ZFYVE19: variants seen among roughly 807,000 people sequenced by gnomAD.
ZFYVE19 encodes the protein zinc finger FYVE-type containing 19, also known as abscission/NoCut checkpoint regulator.
ZFYVE19 carries 49 observed loss-of-function variants against 62.8 expected under a neutral mutation model. The ratio of observed to expected loss-of-function variants is 0.78; its 90% CI spans 0.62 to 0.99. The LOEUF (loss-of-function observed/expected upper bound fraction) is 0.99, where lower values mean the gene tolerates loss of function less well. ZFYVE19 is among the 50% of genes least tolerant of loss of function. The probability of loss-of-function intolerance (pLI) is 0.00; values close to 1 mark genes in which losing one functional copy is unlikely to be tolerated. For missense variants in ZFYVE19, 630 were observed against 601.9 expected (o/e 1.05, Z -0.49); for synonymous variants, 242 against 234.3 (o/e 1.03, Z -0.30).
In ZFYVE19 at chr15:40,807,317, A is replaced by C; in HGVS notation, c.-273A>C. On this transcript the variant is annotated 5_prime_UTR_variant, in exon 1 of 11. Transcript: ENST00000355341. ...CCAGCAGTGGCCGAGGCGCTAGGAC[A>C]GGAAGGACCGCCAGACCTCTCAAGA... 6.2e-7 allele frequency: 1 copy of C among 1,614,184 alleles called. No individual in the cohort carries two copies. Among genetic ancestry groups the C allele is most frequent in the Non-Finnish European group, 8.5e-7 (1 of 1,180,010 alleles).
At chr15:40,813,477 C>T in intron 8 of ZFYVE19, 60 bp downstream of exon 8, 1 of 1,487,266 alleles carries the variant, frequency 6.7e-7, no homozygotes, top group Non-Finnish European at 9.2e-7. Flanking sequence ...TGCCCCACCT[C>T]TACTCTGGGG....
In ZFYVE19 at chr15:40,814,807, T is replaced by C. The variant is rs775749345; in HGVS notation, c.*581T>C. ...CCCACTTAGCCACCAGTCCCCACCATCTTGGATTTCTCAGCCTCTCTACTA... is the reference window on the plus strand; with the variant it reads ...CCCACTTAGCCACCAGTCCCCACCACCTTGGATTTCTCAGCCTCTCTACTA... On this transcript the variant is annotated 3_prime_UTR_variant, in exon 11 of 11. Transcript: ENST00000355341. 2.2e-4 allele frequency: 35 copies of C among 159,430 alleles called. No homozygotes were observed. The highest frequency in any genetic ancestry group is 3.9e-4 in the Non-Finnish European group (28 of 72,144). 9.9% of individuals were successfully genotyped at this position (159,430 alleles called of 1,614,324 possible). A position where few individuals can be genotyped will look rare whatever the true frequency, so the allele number is the denominator to read the frequency against.
At position 40,807,483 on chromosome 15, in the gene ZFYVE19, G is replaced by C. The variant is rs1209783518; in HGVS notation, c.-107G>C. On this transcript the variant is annotated 5_prime_UTR_variant, in exon 1 of 11. Transcript: ENST00000355341. ...GACGGATTCGTACTACAACTCCCAA[G>C]AGTCTAAGCGCGCGTGAGGACTGCA... 2 of 1,612,930 alleles carry C rather than the reference G, an allele frequency of 1.2e-6. No individual in the cohort carries two copies. Among genetic ancestry groups the C allele is most frequent in the African/African-American group, 1.3e-5 (1 of 74,902 alleles).
chr15:40,807,124 C>A lies in ZFYVE19; in HGVS notation c.-466C>A. ...GCCTCGCCCCGCGGCCTCTAGGAGA[C>A]AGGGGCCACGGGGAGAGCACAGCCA... On this transcript the variant is annotated 5_prime_UTR_variant, in exon 1 of 11. Transcript: ENST00000355341. The A allele has an allele frequency of 1.1e-6, 1 of 952,114 alleles. No homozygotes were observed. Among genetic ancestry groups the A allele is most frequent in the Non-Finnish European group, 1.5e-6 (1 of 658,714 alleles). The allele number at this position is 952,114 out of a possible 1,614,324, so 59.0% of individuals were successfully genotyped here.
intron 1 of ZFYVE19, chr15:40,808,541 T>A: frequency 9.2e-7 from 1 of 1,086,994 alleles, no homozygotes; most frequent in Non-Finnish European, 1.3e-6. Context: ...ATTGAGGCGG[T>A]GACCTTGGTT....
rs868816958 is a variant in ZFYVE19 at position 40,810,209 on chromosome 15, C to T, written c.710C>T (p.Pro237Leu). 1 of 1,614,182 alleles carries T rather than the reference C, an allele frequency of 6.2e-7. No individual in the cohort carries two copies. The highest frequency in any genetic ancestry group is 1.7e-5 in the Admixed American group (1 of 60,016). Residue 237 changes from proline to leucine, a missense_variant, in exon 5 of 11, where the codon CCC becomes CTC. Pro to Leu is a moderately conservative substitution (Grantham distance 98). Transcript: ENST00000355341. ...GGCAGAGTTCTACCTTCTCAAACCC[C>T]CCAGCCGGTGAGTGTTATGGCTTAG... The part of the protein sequence containing the change: ...LQGRVLPSQT[P>L]QPAHHTPDTR...
At chr15:40,810,972 A>G in intron 6 of ZFYVE19, 1 of 537,140 alleles carries the variant, frequency 1.9e-6, no homozygotes, top group Non-Finnish European at 3.2e-6. Flanking sequence ...TCCCATTTCT[A>G]CCACGTATTA....
In ZFYVE19 at chr15:40,807,202, TCCAGGAAATGTCTGGGAGC is replaced by T; in HGVS notation, c.-385_-367del. ...GCTTCCTCTTGAGGCCCTCGGACCG[TCCAGGAAATGTCTGGGAGC>T]CCGCCTGCGGAGGGCATAGCGCCGA... On this transcript the variant is annotated 5_prime_UTR_variant, in exon 1 of 11. An upstream start codon of the reference 5' UTR is lost. Coordinates refer to ENST00000355341, the MANE Select transcript of ZFYVE19 (RefSeq NM_001077268.2). 1 of 1,502,266 alleles carries T rather than the reference TCCAGGAAATGTCTGGGAGC, an allele frequency of 6.7e-7. No individual in the cohort carries two copies. The highest frequency in any genetic ancestry group is 8.9e-7 in the Non-Finnish European group (1 of 1,123,260). The allele number at this position is 1,502,266 out of a possible 1,614,324, so 93.1% of individuals were successfully genotyped here. A position where few individuals can be genotyped will look rare whatever the true frequency, so the allele number is the denominator to read the frequency against.
chr15:40,809,946 C>A lies in ZFYVE19; in HGVS notation c.547C>A (p.Arg183=). The part of the protein sequence containing the change: ...QDQMIAERLA[R]LRQENKPKLV... ...CCAGATGATTGCTGAGCGCCTAGCA[C>A]GACTCCGCCAGGAGAACAAGCCCAG... is the stretch of plus-strand genomic sequence containing the variant. The change falls in exon 4 of 11, where the codon CGA becomes AGA. Residue 183 remains arginine (R), a synonymous_variant. Coordinates refer to ENST00000355341, the MANE Select transcript of ZFYVE19 (RefSeq NM_001077268.2). 3 of 1,614,220 alleles carry A rather than the reference C, an allele frequency of 1.9e-6. No individual in the cohort carries two copies. Among genetic ancestry groups the A allele is most frequent in the Non-Finnish European group, 2.5e-6 (3 of 1,180,038 alleles).
rs1489723826 is a variant in ZFYVE19 at position 40,807,228 on chromosome 15, G to A, written c.-362G>A. The A allele has an allele frequency of 6.5e-7, 1 of 1,546,096 alleles. No individual in the cohort carries two copies. The highest frequency in any genetic ancestry group is 8.7e-7 in the Non-Finnish European group (1 of 1,145,708). On this transcript the variant is annotated 5_prime_UTR_variant, in exon 1 of 11. Transcript: ENST00000355341. ...CCAGGAAATGTCTGGGAGCCCGCCT[G>A]CGGAGGGCATAGCGCCGACCCTCGC...
At chr15:40,809,711 G>C (rs1449060499) in intron 3 of ZFYVE19, 141 bp from the exon 4 acceptor site, 2 of 995,582 alleles carry the variant, frequency 2.0e-6, no homozygotes, top group Non-Finnish European at 3.1e-6. Context: ...AGGGTGACAT[G>C]AGTGAGGGGC....
At chr15:40,808,054 A>T in intron 1 of ZFYVE19, 186 bp downstream of exon 1, 1 of 1,033,310 alleles carries the variant, frequency 9.7e-7, no homozygotes, top group Non-Finnish European at 1.4e-6. Context: ...GGTTTATGTG[A>T]GGGTCCACTG....
In ZFYVE19 at chr15:40,809,520, A is replaced by C. The variant is rs1050487149; in HGVS notation, c.452+62A>C. The C allele has an allele frequency of 5.7e-6, 9 of 1,577,682 alleles. No homozygotes were observed. In the Admixed American group the frequency reaches 1.2e-4, roughly 21 times the overall value. On this transcript the variant is annotated intron_variant, in intron 3 of 10. Transcript: ENST00000355341. The stretch of plus-strand genomic sequence containing the variant: ...GAAAGGATAAGGGAGCCATAGGGAA[A>C]GACCCTGCCCCCATCTTCTAGATAA...
intron 5 of ZFYVE19, 55 bp downstream of exon 5, chr15:40,810,271 A>G (rs1369956790): frequency 6.2e-7 from 1 of 1,601,948 alleles, no homozygotes; most frequent in Non-Finnish European, 8.5e-7. Flanking sequence ...GACCCAGCAG[A>G]AGCCCAGATA....
rs1890626718 is a variant in ZFYVE19, at chr15:40,815,054, C to G, written c.*828C>G. 1 of 152,386 alleles carries G rather than the reference C, an allele frequency of 6.6e-6. No homozygotes were observed. Among genetic ancestry groups the G allele is most frequent in the Non-Finnish European group, 1.5e-5 (1 of 68,208 alleles). 9.4% of individuals were successfully genotyped at this position (152,386 alleles called of 1,614,324 possible). On this transcript the variant is annotated 3_prime_UTR_variant, in exon 11 of 11. Coordinates refer to ENST00000355341, the MANE Select transcript of ZFYVE19 (RefSeq NM_001077268.2). ...TTCTCTTCCTGCCCCTGGCTGGAAC[C>G]AACTATAAAGAGCCCTCGGGCTGAG...
rs1434449530 is a variant in ZFYVE19, at chr15:40,810,342, C to A, written c.717+126C>A. 2.1e-6 allele frequency: 3 copies of A among 1,439,132 alleles called. No homozygotes were observed. The East Asian group carries it at 7.2e-5, about 35-fold the overall frequency. 89.1% of individuals were successfully genotyped at this position (1,439,132 alleles called of 1,614,324 possible). ...TTGTCATTACTTTTAATTGCAAAAA[C>A]CTCAGTTACTTTTGCACCAACCTTT... On this transcript the variant is annotated intron_variant, in intron 5 of 10. Coordinates refer to ENST00000355341, the MANE Select transcript of ZFYVE19 (RefSeq NM_001077268.2).
chr15:40,814,003 T>C lies in ZFYVE19; in HGVS notation c.1270T>C (p.Cys424Arg), dbSNP rs1376342462. Residue 424 changes from cysteine to arginine, a missense_variant, in exon 10 of 11, where the codon TGC (cysteine) becomes CGC (arginine). Coordinates refer to ENST00000355341, the MANE Select transcript of ZFYVE19 (RefSeq NM_001077268.2). ...EEEELPWCCI[C>R]NEDATLRCAG... ...AGAGGAGCTCCCCTGGTGCTGCATC[T>C]GCAATGAGGATGCCACCCTACGCTG... The C allele has an allele frequency of 6.8e-6, 11 of 1,613,776 alleles. No homozygotes were observed. The highest frequency in any genetic ancestry group is 8.5e-6 in the Non-Finnish European group (10 of 1,179,918).
At chr15:40,813,865 C>T in intron 9 of ZFYVE19, 54 bp downstream of exon 9, 21 of 1,596,232 alleles carry the variant, frequency 1.3e-5, no homozygotes, top group Non-Finnish European at 1.7e-5. Flanking sequence ...TTGCTTCCTG[C>T]CTGGCTGACT....
chr15:40,807,227 T>C lies in ZFYVE19; in HGVS notation c.-363T>C. 1 of 1,544,350 alleles carries C rather than the reference T, an allele frequency of 6.5e-7. No homozygotes were observed. On this transcript the variant is annotated 5_prime_UTR_variant, in exon 1 of 11. Coordinates refer to ENST00000355341, the MANE Select transcript of ZFYVE19 (RefSeq NM_001077268.2). Reference sequence around the variant, plus strand: ...TCCAGGAAATGTCTGGGAGCCCGCCTGCGGAGGGCATAGCGCCGACCCTCG... The same window carrying C: ...TCCAGGAAATGTCTGGGAGCCCGCCCGCGGAGGGCATAGCGCCGACCCTCG...
Sources: gnomAD v4.1 joint callset for allele counts on GRCh38, gnomAD v4.1.1 for gene constraint, MANE v1.5 for transcripts, NCBI Gene and HGNC (gene_info 2026-07-23, HGNC 2026-07-21) for gene names.